KAZN: variants seen among roughly 807,000 people sequenced by gnomAD.
KAZN encodes the protein kazrin.
Under a neutral mutation model 87.4 loss-of-function variants are expected in KAZN, and 40 were observed. That is an observed-to-expected ratio of 0.46 (90% CI 0.36 to 0.60). KAZN has a LOEUF of 0.60. Among genes scored for constraint, KAZN ranks in the 20% least tolerant of loss-of-function variants. KAZN has a pLI of 0.00. For synonymous variants in KAZN, 466 were observed against 458.3 expected (o/e 1.02, Z -0.22); for missense variants, 898 against 1,073.9 (o/e 0.84, Z 2.29).
intron 2 of KAZN, among the ~76,000 whole-genome samples, chr1:14,583,788 G>A (rs965748204): frequency 3.9e-5 from 6 of 152,150 alleles, no homozygotes; most frequent in African/African-American, 7.2e-5. Flanking sequence ...TGTGATGATC[G>A]CGTTTATTCC....
intron 2 of KAZN, among the ~76,000 whole-genome samples, chr1:14,365,372 G>GC (rs1553162544): frequency 7.9e-6 from 1 of 125,898 alleles, no homozygotes; most frequent in Non-Finnish European, 1.6e-5. Context: ...CCGGGGTGGG[G>GC]GGGGGGGGGG....
chr1:15,110,011 T>C (rs1488130033), intron 13 of KAZN, among the ~76,000 whole-genome samples: 3 of 150,036 alleles, frequency 2.0e-5, no homozygotes, highest in Admixed American at 6.7e-5. Flanking sequence ...GTGTTGTGTA[T>C]GTATGTGTAG....
chr1:14,398,996 G>A (rs2101123934), intron 2 of KAZN, among the ~76,000 whole-genome samples: 1 of 152,150 alleles, frequency 6.6e-6, no homozygotes, highest in Middle Eastern at 3.4e-3. Context: ...CATGGCACTT[G>A]CCATCCCTGG....
At chr1:14,090,472 G>A (rs951425487) in intron 1 of KAZN, among the ~76,000 whole-genome samples, 4 of 151,898 alleles carry the variant, frequency 2.6e-5, no homozygotes, top group African/African-American at 9.7e-5. Context: ...ATCTCTAGAA[G>A]CTTGATTCAA....
At chr1:14,867,459 G>A (rs574235396) in intron 1 of KAZN, among the ~76,000 whole-genome samples, 1 of 152,114 alleles carries the variant, frequency 6.6e-6, no homozygotes, top group African/African-American at 2.4e-5. Context: ...TTGGGTTCAG[G>A]GATGGTGCAT....
intron 2 of KAZN, among the ~76,000 whole-genome samples, chr1:14,548,450 C>G (rs1673308956): frequency 6.6e-6 from 1 of 152,198 alleles, no homozygotes; most frequent in South Asian, 2.1e-4. Flanking sequence ...CCGCCCACCT[C>G]TGCCTCCAAA....
chr1:14,981,587 G>A (rs1410618185), intron 2 of KAZN, among the ~76,000 whole-genome samples: 2 of 152,226 alleles, frequency 1.3e-5, no homozygotes, highest in African/African-American at 2.4e-5. Context: ...GGTTTGCTGC[G>A]GAAGCAGAGA....
At chr1:14,586,116 T>C (rs945745370) in intron 2 of KAZN, among the ~76,000 whole-genome samples, 1 of 152,220 alleles carries the variant, frequency 6.6e-6, no homozygotes, top group African/African-American at 2.4e-5. Flanking sequence ...AGAAGACTTG[T>C]AAAGTTTGAT....
chr1:14,373,116 C>T (rs1660635320), intron 2 of KAZN, among the ~76,000 whole-genome samples: 3 of 151,762 alleles, frequency 2.0e-5, no homozygotes, highest in African/African-American at 7.3e-5. Context: ...TAGTACTGAA[C>T]AAGGACTGTA....
chr1:14,394,164 C>T (rs922274273), intron 2 of KAZN, among the ~76,000 whole-genome samples: 6 of 152,306 alleles, frequency 3.9e-5, no homozygotes, highest in African/African-American at 7.2e-5. Context: ...TTGGTTAGTG[C>T]GTTAACGCAA....
At chr1:14,551,767 A>T (rs1372496234) in intron 2 of KAZN, among the ~76,000 whole-genome samples, 2 of 152,160 alleles carry the variant, frequency 1.3e-5, no homozygotes, top group East Asian at 3.9e-4. Flanking sequence ...AAAGCCCTTC[A>T]CTAGTGATGT....
At chr1:13,987,894 G>A (rs1639094848) in intron 1 of KAZN, among the ~76,000 whole-genome samples, 1 of 152,192 alleles carries the variant, frequency 6.6e-6, no homozygotes, top group African/African-American at 2.4e-5. Flanking sequence ...CTGGAGGCCA[G>A]TCAGTTCAAA....
chr1:14,820,877 G>C lies in KAZN; in HGVS notation c.227-139807G>C, dbSNP rs1347331553. 1.3e-5 allele frequency among the ~76,000 whole-genome samples: 2 copies of C among 152,294 alleles called. No individual in the cohort carries two copies. The highest frequency in any genetic ancestry group is 3.9e-4 in the East Asian group (2 of 5,166). On this transcript the variant is annotated intron_variant, in intron 1 of 14. Transcript: ENST00000376030. The surrounding 1 kb of genome is among the most constrained non-coding windows in gnomAD (Gnocchi z 4.1). ...AAGATGGCCAGGAGAGAAGAGCCGA[G>C]GGGCAGGGTGAGCAAAAGGTGAATA... is the stretch of plus-strand genomic sequence containing the variant.
chr1:13,969,226 C>T (rs1642052601), intron 1 of KAZN, among the ~76,000 whole-genome samples: 1 of 152,030 alleles, frequency 6.6e-6, no homozygotes, highest in South Asian at 2.1e-4. Context: ...AAGTAGTAGT[C>T]CCCATATGTT....
intron 2 of KAZN, among the ~76,000 whole-genome samples, chr1:14,387,989 G>C (rs575844153): frequency 6.6e-6 from 1 of 152,212 alleles, no homozygotes. Flanking sequence ...AGGACCCTCC[G>C]ATCCAGGTGC....
At chr1:14,777,333 A>G (rs1645209841) in intron 1 of KAZN, among the ~76,000 whole-genome samples, 2 of 152,168 alleles carry the variant, frequency 1.3e-5, no homozygotes, top group Admixed American at 1.3e-4. Flanking sequence ...AATCTGATGA[A>G]GAAATTGAAG....
chr1:14,727,450 CTTTTTTTTTTTTTTT>C (rs57203868), intron 1 of KAZN, among the ~76,000 whole-genome samples: 3,623 of 73,920 alleles, frequency 0.049, 440 homozygotes, highest in African/African-American at 0.17. Context: ...TGTGCACTTT[CTTTTTTTTTTTTTTT>C]TTTTTTTTTT....
intron 2 of KAZN, among the ~76,000 whole-genome samples, chr1:14,572,474 A>G (rs1674929467): frequency 6.6e-6 from 1 of 152,168 alleles, no homozygotes; most frequent in Non-Finnish European, 1.5e-5. Context: ...TCCCTGGAGG[A>G]GACCCTCTAC....
At chr1:14,352,738 C>T (rs1658654764) in intron 2 of KAZN, among the ~76,000 whole-genome samples, 1 of 151,802 alleles carries the variant, frequency 6.6e-6, no homozygotes, top group African/African-American at 2.4e-5. Flanking sequence ...AATAGACAGA[C>T]AAATAAATGA....
Sources: allele counts gnomAD v4.1 joint callset (sites outside exome capture counted in the v4.1 genomes callset), GRCh38; gene constraint gnomAD v4.1.1; non-coding constraint Gnocchi (gnomAD v3.1); transcripts MANE v1.5; gene names NCBI Gene and HGNC (gene_info 2026-07-23, HGNC 2026-07-21).